SEMA3E: variants seen among roughly 807,000 people sequenced by gnomAD.
The protein encoded by SEMA3E is semaphorin 3E, also known as semaphorin-3E.
In SEMA3E, 49 loss-of-function variants were observed where a neutral mutation model predicts 93.6. The ratio of observed to expected loss-of-function variants is 0.52; its 90% CI spans 0.42 to 0.66. The LOEUF is 0.66. SEMA3E is among the 30% of genes least tolerant of loss of function. The probability of loss-of-function intolerance (pLI) is 0.00; values close to 1 mark genes in which losing one functional copy is unlikely to be tolerated. For missense variants in SEMA3E, 906 were observed against 964.8 expected (o/e 0.94, Z 0.81); for synonymous variants, 363 against 330.7 (o/e 1.10, Z -1.06).
intron 1 of SEMA3E, among the ~76,000 whole-genome samples, chr7:83,550,452 G>A (rs1054120457): frequency 2.0e-5 from 3 of 151,908 alleles, no homozygotes; most frequent in Non-Finnish European, 4.4e-5. Context: ...TCCAATTAGG[G>A]GAAATTAGGG....
intron 1 of SEMA3E, among the ~76,000 whole-genome samples, chr7:83,504,024 T>A (rs1790648166): frequency 6.6e-6 from 1 of 152,114 alleles, no homozygotes; most frequent in Non-Finnish European, 1.5e-5. Flanking sequence ...TTCCCTCAAC[T>A]CACAAATTTA....
intron 1 of SEMA3E, among the ~76,000 whole-genome samples, chr7:83,643,100 C>G (rs1034487575): frequency 2.6e-5 from 4 of 151,870 alleles, no homozygotes; most frequent in Non-Finnish European, 5.9e-5. Context: ...TAATTTTCAC[C>G]AGTAACAACC....
At chr7:83,388,964 T>C (rs1306805850) in intron 14 of SEMA3E, among the ~76,000 whole-genome samples, 1 of 152,000 alleles carries the variant, frequency 6.6e-6, no homozygotes, top group Non-Finnish European at 1.5e-5. Flanking sequence ...ACATCTCCAA[T>C]CAATTTTTGG....
At chr7:83,471,967 C>T (rs748237774) in intron 2 of SEMA3E, among the ~76,000 whole-genome samples, 5 of 152,250 alleles carry the variant, frequency 3.3e-5, no homozygotes, top group South Asian at 2.1e-4. Flanking sequence ...AACTGGACCA[C>T]GACATCATGT....
chr7:83,430,089 A>T (rs1405927051), intron 4 of SEMA3E, among the ~76,000 whole-genome samples: 1 of 152,224 alleles, frequency 6.6e-6, no homozygotes, highest in Non-Finnish European at 1.5e-5. Context: ...AATATTGAAT[A>T]TAGGAAGTAT....
chr7:83,461,617 C>T (rs1032428387), intron 4 of SEMA3E, among the ~76,000 whole-genome samples: 5 of 152,126 alleles, frequency 3.3e-5, no homozygotes, highest in East Asian at 1.9e-4. Flanking sequence ...GTTCATGGCT[C>T]GTTTGGCAGC....
At chr7:83,500,368 G>A (rs2115597411) in intron 1 of SEMA3E, among the ~76,000 whole-genome samples, 1 of 152,144 alleles carries the variant, frequency 6.6e-6, no homozygotes, top group Middle Eastern at 3.4e-3. Flanking sequence ...CCCGAGAGGT[G>A]GAGGTTGCAG....
intron 1 of SEMA3E, among the ~76,000 whole-genome samples, chr7:83,549,070 C>T (rs187830149): frequency 6.6e-6 from 1 of 152,172 alleles, no homozygotes; most frequent in Admixed American, 6.6e-5. Context: ...AAAACAGAAA[C>T]TAATATCTCA....
chr7:83,625,856 T>G (rs1793659391), intron 1 of SEMA3E, among the ~76,000 whole-genome samples: 1 of 152,112 alleles, frequency 6.6e-6, no homozygotes, highest in Non-Finnish European at 1.5e-5. Flanking sequence ...CATAAACAGC[T>G]CTTATTATTT....
At position 83,648,562 on chromosome 7, in the gene SEMA3E, A is replaced by G. The variant is rs1794111097; in HGVS notation, c.-20T>C. On this transcript the variant is annotated 5_prime_UTR_variant, in exon 1 of 17. Transcript: ENST00000643230. ...TGCCATGCTGCCGTGTTCACCGTCC[A>G]AGCCCTCGCTCCTCACTTTAAGGAG... 6.3e-7 allele frequency: 1 copy of G among 1,577,992 alleles called. No individual in the cohort carries two copies.
chr7:83,471,880 A>G (rs1346494041), intron 2 of SEMA3E, among the ~76,000 whole-genome samples: 2 of 152,210 alleles, frequency 1.3e-5, no homozygotes, highest in Non-Finnish European at 2.9e-5. Flanking sequence ...TAAATATTTT[A>G]AAGTGAAATA....
intron 1 of SEMA3E, among the ~76,000 whole-genome samples, chr7:83,532,214 G>A (rs563915216): frequency 6.6e-6 from 1 of 151,948 alleles, no homozygotes; most frequent in African/African-American, 2.4e-5. Context: ...TATTTTCTTG[G>A]GATTTGAGAA....
intron 2 of SEMA3E, among the ~76,000 whole-genome samples, chr7:83,469,842 G>C: frequency 6.6e-6 from 1 of 152,026 alleles, no homozygotes; most frequent in Non-Finnish European, 1.5e-5. Context: ...TGTCACCCAG[G>C]CTGGAGTGCA....
intron 1 of SEMA3E, among the ~76,000 whole-genome samples, chr7:83,639,539 G>A (rs1584381333): frequency 6.6e-6 from 1 of 151,202 alleles, no homozygotes; most frequent in African/African-American, 2.4e-5. Flanking sequence ...CCATCCCCAA[G>A]GGTCTTACAA....
chr7:83,547,220 G>T (rs186976865), intron 1 of SEMA3E, among the ~76,000 whole-genome samples: 3 of 152,146 alleles, frequency 2.0e-5, no homozygotes, highest in African/African-American at 7.2e-5. Flanking sequence ...TAATCTTTAT[G>T]AAGTAATATT....
chr7:83,457,649 T>C (rs1054800291), intron 4 of SEMA3E, among the ~76,000 whole-genome samples: 12 of 151,786 alleles, frequency 7.9e-5, no homozygotes, highest in Non-Finnish European at 1.5e-4. Context: ...GATCATGTAA[T>C]AGCCTCCTTA....
At chr7:83,387,344 A>T (rs1360768324) in intron 14 of SEMA3E, among the ~76,000 whole-genome samples, 1 of 149,046 alleles carries the variant, frequency 6.7e-6, no homozygotes, top group Non-Finnish European at 1.5e-5. Flanking sequence ...GTTCAACAAG[A>T]AATCTTCTAG....
At chr7:83,446,790 T>A (rs1789240113) in intron 4 of SEMA3E, among the ~76,000 whole-genome samples, 1 of 152,240 alleles carries the variant, frequency 6.6e-6, no homozygotes, top group South Asian at 2.1e-4. Flanking sequence ...CATTAAGAAG[T>A]GACTTCATTT....
At chr7:83,369,063 A>G (rs1244371796) in intron 16 of SEMA3E, among the ~76,000 whole-genome samples, 1 of 152,200 alleles carries the variant, frequency 6.6e-6, no homozygotes, top group Non-Finnish European at 1.5e-5. Context: ...CCTTTCTACT[A>G]TACATTCATC....
Sources: allele counts gnomAD v4.1 joint callset (sites outside exome capture counted in the v4.1 genomes callset), GRCh38; gene constraint gnomAD v4.1.1; transcripts MANE v1.5; gene names NCBI Gene and HGNC (gene_info 2026-07-23, HGNC 2026-07-21).